Variants in PBX3 observed in about 807,000 individuals in gnomAD.
PBX3 encodes pre-B-cell leukemia transcription factor 3.
A neutral mutation model predicts 48.5 loss-of-function variants in PBX3; 14 were observed. That is an observed-to-expected ratio of 0.29 (90% confidence interval 0.19 to 0.45). The LOEUF (loss-of-function observed/expected upper bound fraction) is 0.45, where lower values mean the gene tolerates loss of function less well. PBX3 is among the 20% of genes least tolerant of loss of function. PBX3 has a pLI of 1.00. For missense variants in PBX3, 386 were observed against 546.7 expected, an observed-to-expected ratio of 0.71 and a Z score of 2.93; for synonymous variants, 210 against 200.3, an observed-to-expected ratio of 1.05 and a Z score of -0.41.
At chr9:125,944,705 CA>C (rs1842029728) in intron 5 of PBX3, among the ~76,000 whole-genome samples, 1 of 151,186 alleles carries the variant, frequency 6.6e-6, no homozygotes, top group Non-Finnish European at 1.5e-5. Context: ...AACTCAGAAG[CA>C]AAAAACAGAT....
intron 2 of PBX3, among the ~76,000 whole-genome samples, chr9:125,911,932 A>G (rs559556450): frequency 1.3e-5 from 2 of 152,296 alleles, no homozygotes; most frequent in African/African-American, 2.4e-5. Context: ...GATCTTAGTT[A>G]CGTCTAATTC....
At chr9:125,825,096 TA>T (rs1838769449) in intron 2 of PBX3, among the ~76,000 whole-genome samples, 1 of 152,124 alleles carries the variant, frequency 6.6e-6, no homozygotes, top group South Asian at 2.1e-4. Context: ...CCAGCCTGGA[TA>T]ACATGGCGAA....
chr9:125,804,563 A>G (rs1289628573), intron 2 of PBX3, among the ~76,000 whole-genome samples: 1 of 152,208 alleles, frequency 6.6e-6, no homozygotes, highest in East Asian at 1.9e-4. Context: ...CTGCTAAATG[A>G]TGATTTAGTG....
At chr9:125,887,979 A>G (rs1383597100) in intron 2 of PBX3, among the ~76,000 whole-genome samples, 8 of 152,152 alleles carry the variant, frequency 5.3e-5, no homozygotes, top group Admixed American at 4.6e-4. Context: ...TGTGTGATGA[A>G]TCAGTTATAT....
chr9:125,914,669 C>A (rs1841286241), intron 2 of PBX3, among the ~76,000 whole-genome samples: 1 of 152,186 alleles, frequency 6.6e-6, no homozygotes, highest in Non-Finnish European at 1.5e-5. Context: ...CCCTCTTCCC[C>A]AAGAAGCCTT....
chr9:125,851,288 G>A (rs1212779606), intron 2 of PBX3, among the ~76,000 whole-genome samples: 2 of 151,562 alleles, frequency 1.3e-5, no homozygotes, highest in Non-Finnish European at 2.9e-5. Context: ...ATTAGTAAAA[G>A]AATTTCCCAA....
intron 2 of PBX3, among the ~76,000 whole-genome samples, chr9:125,875,521 A>T (rs1481908177): frequency 6.6e-6 from 1 of 152,144 alleles, no homozygotes; most frequent in Non-Finnish European, 1.5e-5. Flanking sequence ...GAAGGGAAGG[A>T]CGTTCTACTT....
At position 125,888,528 on chromosome 9, in the gene PBX3, T is replaced by A. The variant is rs548925887; in HGVS notation, c.275-27158T>A. Among the ~76,000 whole-genome samples, 203 of 150,772 alleles carry A rather than the reference T, an allele frequency of 1.3e-3. 1 individual carries two copies. Among genetic ancestry groups the A allele is most frequent in the African/African-American group, 4.7e-3 (192 of 40,952 alleles). Reference sequence around the variant, plus strand: ...AAACAGATGCTCTCACTTGATGGCATTTTTTTGGGAGGGATACGATTTGAT... The same window carrying A: ...AAACAGATGCTCTCACTTGATGGCAATTTTTTGGGAGGGATACGATTTGAT... On this transcript the variant is annotated intron_variant, in intron 2 of 8. Transcript: ENST00000373489.
chr9:125,857,302 T>G (rs1037600803), intron 2 of PBX3, among the ~76,000 whole-genome samples: 1 of 152,122 alleles, frequency 6.6e-6, no homozygotes, highest in Non-Finnish European at 1.5e-5. Context: ...TCTAAAAATC[T>G]GAAACCCAAA....
intron 3 of PBX3, among the ~76,000 whole-genome samples, chr9:125,926,019 A>G (rs1414019982): frequency 6.6e-6 from 1 of 152,238 alleles, no homozygotes; most frequent in East Asian, 1.9e-4. Flanking sequence ...CTGTAGAACT[A>G]TAGAATTTGT....
chr9:125,879,767 C>G (rs1158959818), intron 2 of PBX3, among the ~76,000 whole-genome samples: 1 of 152,138 alleles, frequency 6.6e-6, no homozygotes, highest in African/African-American at 2.4e-5. Context: ...GATGTGAACA[C>G]TAGTTATTTT....
rs527974998 is a variant in PBX3 at position 125,946,495 on chromosome 9, G to T, written c.843+10888G>T. 1.3e-3 allele frequency among the ~76,000 whole-genome samples: 196 copies of T among 152,114 alleles called. 1 individual carries two copies. The highest frequency in any genetic ancestry group is 2.3e-3 in the Non-Finnish European group (154 of 67,980). On this transcript the variant is annotated intron_variant, in intron 5 of 8. Transcript: ENST00000373489. The stretch of plus-strand genomic sequence containing the variant: ...ACTATGCTTAATATCTATAATGGGG[G>T]AAAGACAAACTGGACAATTCTGTCA...
At chr9:125,790,597 C>T (rs1837573171) in intron 2 of PBX3, among the ~76,000 whole-genome samples, 1 of 151,684 alleles carries the variant, frequency 6.6e-6, no homozygotes. Context: ...AAAACAGAGT[C>T]CTGTTCTGTC....
intron 2 of PBX3, among the ~76,000 whole-genome samples, chr9:125,915,008 C>T (rs1392820803): frequency 6.6e-6 from 1 of 152,132 alleles, no homozygotes; most frequent in Admixed American, 6.6e-5. Flanking sequence ...ACTGTATTGC[C>T]ATGTCAATGG....
chr9:125,927,136 T>C (rs1047336839), intron 3 of PBX3, among the ~76,000 whole-genome samples: 1 of 152,232 alleles, frequency 6.6e-6, no homozygotes, highest in Non-Finnish European at 1.5e-5. Context: ...TCTTCTCTTA[T>C]GATTCAGGGA....
chr9:125,767,932 C>T (rs562362832), intron 2 of PBX3, among the ~76,000 whole-genome samples: 141 of 152,108 alleles, frequency 9.3e-4, no homozygotes, highest in Non-Finnish European at 1.8e-3. Context: ...CAATGAGACT[C>T]AGGTGCTAGT....
intron 2 of PBX3, among the ~76,000 whole-genome samples, chr9:125,780,095 G>T (rs1294060093): frequency 7.8e-6 from 1 of 127,660 alleles, no homozygotes; most frequent in Non-Finnish European, 1.7e-5. Context: ...CGGACGGGGC[G>T]GCTGGCTGGG....
intron 2 of PBX3, among the ~76,000 whole-genome samples, chr9:125,845,381 T>C (rs540981238): frequency 6.6e-5 from 10 of 152,244 alleles, no homozygotes; most frequent in Admixed American, 4.6e-4. Flanking sequence ...ACAAAAAATA[T>C]GACCTTTAAA....
At chr9:125,914,712 A>T (rs1210636541) in intron 2 of PBX3, among the ~76,000 whole-genome samples, 1 of 151,962 alleles carries the variant, frequency 6.6e-6, no homozygotes, top group Non-Finnish European at 1.5e-5. Flanking sequence ...TTTGAAGCAG[A>T]TTTACAGAGG....
Sources: allele counts gnomAD v4.1 joint callset (sites outside exome capture counted in the v4.1 genomes callset), GRCh38; gene constraint gnomAD v4.1.1; transcripts MANE v1.5; gene names NCBI Gene and HGNC (gene_info 2026-07-23, HGNC 2026-07-21).